Variants in SULF1 observed in about 807,000 individuals in gnomAD.
SULF1 encodes extracellular sulfatase Sulf-1.
In SULF1, 46 loss-of-function variants were observed where a neutral mutation model predicts 110.5. The observed-to-expected ratio is 0.42, with a 90% CI of 0.33 to 0.53. The LOEUF is 0.53. Ranked by LOEUF, SULF1 falls within the 20% of genes least tolerant of loss-of-function variation. SULF1 has a pLI of 0.12. For missense variants in SULF1, 941 were observed against 1,094.2 expected (o/e 0.86, Z 1.98); for synonymous variants, 371 against 387.1 (o/e 0.96, Z 0.49).
intron 15 of SULF1, among the ~76,000 whole-genome samples, chr8:69,626,770 G>A (rs1005670483): frequency 1.3e-5 from 2 of 152,238 alleles, no homozygotes; most frequent in African/African-American, 2.4e-5. Context: ...TGCGAGTGTG[G>A]GGCCAGCCAA....
At chr8:69,645,407 A>G (rs1009529621) in intron 22 of SULF1, among the ~76,000 whole-genome samples, 1 of 152,176 alleles carries the variant, frequency 6.6e-6, no homozygotes, top group Non-Finnish European at 1.5e-5. Flanking sequence ...ATCAGTTCCA[A>G]TATATAGGGG....
In SULF1 at chr8:69,612,804, G is replaced by C. The variant is rs1040287077; in HGVS notation, c.1377+7872G>C. ...AATATTTTCTCCCACTCTGTGGGTT[G>C]TCTGTTTACTCTGCTGATTATTTCT... On this transcript the variant is annotated intron_variant, in intron 13 of 22. Transcript: ENST00000402687. Among the ~76,000 whole-genome samples, 12 of 152,286 alleles carry C rather than the reference G, an allele frequency of 7.9e-5. No individual in the cohort carries two copies. The South Asian group carries it at 1.0e-3, about 13-fold the overall frequency.
At chr8:69,534,030 A>C (rs972502483) in intron 3 of SULF1, among the ~76,000 whole-genome samples, 3 of 152,228 alleles carry the variant, frequency 2.0e-5, no homozygotes, top group African/African-American at 7.2e-5. Flanking sequence ...TAATGACAAA[A>C]AACATGATAT....
intron 3 of SULF1, among the ~76,000 whole-genome samples, chr8:69,526,786 G>A (rs1812698682): frequency 7.7e-6 from 1 of 129,178 alleles, no homozygotes; most frequent in South Asian, 2.6e-4. Flanking sequence ...GTGAGACCCT[G>A]TGTCAAGAAA....
intron 21 of SULF1, among the ~76,000 whole-genome samples, chr8:69,640,471 G>A (rs1241999156): frequency 2.0e-5 from 3 of 152,104 alleles, no homozygotes; most frequent in African/African-American, 7.2e-5. Flanking sequence ...CCAATGTTTT[G>A]TCTAAAAATA....
intron 1 of SULF1, among the ~76,000 whole-genome samples, chr8:69,472,813 A>C (rs1809140755): frequency 1.3e-5 from 2 of 152,122 alleles, no homozygotes; most frequent in Non-Finnish European, 1.5e-5. Flanking sequence ...CCTGCACAGT[A>C]GTGTATTAAA....
In SULF1 at chr8:69,658,987, C is replaced by T. The variant is rs1000618405; in HGVS notation, c.*452C>T. On this transcript the variant is annotated 3_prime_UTR_variant, in exon 23 of 23. Coordinates refer to ENST00000402687, the MANE Select transcript of SULF1 (RefSeq NM_001128205.2). The stretch of plus-strand genomic sequence containing the variant: ...GAGAAAAACCGAAAAATGGACGGGG[C>T]ATGAAGAGACTAATCATCTGGAAAC... The T allele has an allele frequency of 4.4e-6, 2 of 457,474 alleles. No homozygotes were observed. Among genetic ancestry groups the T allele is most frequent in the African/African-American group, 4.0e-5 (2 of 50,108 alleles). The allele number at this position is 457,474 out of a possible 1,614,324, so 28.3% of individuals were successfully genotyped here. A position where few individuals can be genotyped will look rare whatever the true frequency, so the allele number is the denominator to read the frequency against.
chr8:69,476,478 A>G (rs1477874403), intron 1 of SULF1, among the ~76,000 whole-genome samples: 1 of 152,208 alleles, frequency 6.6e-6, no homozygotes, highest in Non-Finnish European at 1.5e-5. Flanking sequence ...TGGAGGCAGC[A>G]TGACTGAAAG....
At chr8:69,500,891 A>C (rs1258998329) in intron 2 of SULF1, among the ~76,000 whole-genome samples, 1 of 152,102 alleles carries the variant, frequency 6.6e-6, no homozygotes, top group Non-Finnish European at 1.5e-5. Flanking sequence ...GCCAGCTCCA[A>C]GGAGGCACTG....
At chr8:69,584,776 C>T (rs1806325604) in intron 6 of SULF1, among the ~76,000 whole-genome samples, 1 of 152,086 alleles carries the variant, frequency 6.6e-6, no homozygotes, top group Admixed American at 6.6e-5. Context: ...AATTTTACAC[C>T]ACTGTAAATG....
At chr8:69,480,088 T>G (rs1254105035) in intron 1 of SULF1, among the ~76,000 whole-genome samples, 1 of 152,218 alleles carries the variant, frequency 6.6e-6, no homozygotes, top group African/African-American at 2.4e-5. Flanking sequence ...ATGGATGATC[T>G]GTGCAAACAT....
intron 19 of SULF1, among the ~76,000 whole-genome samples, chr8:69,636,916 G>T (rs1238884944): frequency 6.6e-6 from 1 of 152,138 alleles, no homozygotes; most frequent in Admixed American, 6.5e-5. Flanking sequence ...CCAGCAGCAG[G>T]CCACCAAAGA....
intron 14 of SULF1, among the ~76,000 whole-genome samples, chr8:69,622,204 A>C (rs1347779673): frequency 1.3e-5 from 2 of 152,228 alleles, no homozygotes; most frequent in Non-Finnish European, 2.9e-5. Flanking sequence ...AATACTAAGA[A>C]TCTTTGATTT....
intron 6 of SULF1, among the ~76,000 whole-genome samples, chr8:69,576,413 A>G (rs1805614230): frequency 6.6e-6 from 1 of 152,244 alleles, no homozygotes; most frequent in East Asian, 1.9e-4. Flanking sequence ...TGAAAAACTG[A>G]TGGGTAAATC....
At chr8:69,580,017 A>C (rs925667254) in intron 6 of SULF1, among the ~76,000 whole-genome samples, 2 of 152,202 alleles carry the variant, frequency 1.3e-5, no homozygotes, top group Non-Finnish European at 2.9e-5. Context: ...TAAAGGGCTT[A>C]TTTTGGGAGG....
intron 16 of SULF1, 53 bp from the exon 17 acceptor site, chr8:69,627,719 T>C (rs1810207609): frequency 5.7e-6 from 7 of 1,231,638 alleles, no homozygotes; most frequent in Non-Finnish European, 8.2e-6. Context: ...AAAAGTACTT[T>C]GTAAAGAAAA....
At chr8:69,491,200 A>T (rs997427338), upstream of SULF1, among the ~76,000 whole-genome samples, 2 of 152,250 alleles carry the variant, frequency 1.3e-5, no homozygotes, top group African/African-American at 4.8e-5. Flanking sequence ...TTACCAAAAA[A>T]TAACAGGGGA....
At chr8:69,630,961 C>G (rs1035092429) in intron 19 of SULF1, among the ~76,000 whole-genome samples, 1 of 151,138 alleles carries the variant, frequency 6.6e-6, no homozygotes, top group East Asian at 1.9e-4. Context: ...AATGCTATCC[C>G]TCCCCCCTGC....
intron 18 of SULF1, among the ~76,000 whole-genome samples, chr8:69,628,651 C>G (rs1390601418): frequency 6.6e-6 from 1 of 151,992 alleles, no homozygotes; most frequent in Non-Finnish European, 1.5e-5. Context: ...TAAATAATAG[C>G]AAAATTTGCA....
Sources: allele counts gnomAD v4.1 joint callset (sites outside exome capture counted in the v4.1 genomes callset), GRCh38; gene constraint gnomAD v4.1.1; transcripts MANE v1.5; gene names NCBI Gene and HGNC (gene_info 2026-07-23, HGNC 2026-07-21).